The following RLF variants were observed in gnomAD, a reference collection of about 807,000 sequenced individuals.
RLF encodes the protein RLF zinc finger, also known as zinc finger protein Rlf.
RLF carries 7 observed loss-of-function variants against 162.9 expected under a neutral mutation model. The observed-to-expected ratio is 0.04, with a 90% confidence interval of 0.02 to 0.08. The LOEUF (loss-of-function observed/expected upper bound fraction) is 0.08, where lower values mean the gene tolerates loss of function less well. Among genes scored for constraint, RLF ranks in the 10% least tolerant of loss-of-function variants. The pLI is 1.00. For missense variants in RLF, 1,664 were observed against 2,244.7 expected (o/e 0.74, Z 5.23); for synonymous variants, 782 against 791.5 (o/e 0.99, Z 0.20).
At chr1:40,222,511 T>C (rs1312518754) in intron 5 of RLF, 63 bp from the exon 6 acceptor site, 12 of 1,555,800 alleles carry the variant, frequency 7.7e-6, no homozygotes, top group Middle Eastern at 2.2e-4. Flanking sequence ...TTTCACCTTA[T>C]ATAACAAAGT....
intron 5 of RLF, among the ~76,000 whole-genome samples, chr1:40,216,498 AAAAG>A (rs562715773): frequency 7.0e-4 from 105 of 150,200 alleles, no homozygotes; most frequent in Middle Eastern, 3.4e-3. Flanking sequence ...AAAAAAAAAA[AAAAG>A]AGAGAGAGAA....
intron 6 of RLF, among the ~76,000 whole-genome samples, chr1:40,228,246 A>C (rs1353562805): frequency 1.3e-5 from 2 of 151,382 alleles, no homozygotes; most frequent in African/African-American, 4.9e-5. Context: ...AGATCATGCC[A>C]CTGCATTCGA....
At position 40,235,911 on chromosome 1, in the gene RLF, A is replaced by G. The variant is rs746462566; in HGVS notation, c.1209A>G (p.Pro403=). ...GTAAAACAATTGCCTGTCTTTTACC[A>G]GAAGATTTAGAAGTTAGACGAGCCT... is the stretch of plus-strand genomic sequence containing the variant. ...SVCKTIACLL[P]EDLEVRRACQ... Residue 403 remains proline (P), a synonymous_variant, in exon 8 of 8, where the codon CCA becomes CCG. Transcript: ENST00000372771. 1 of 1,614,156 alleles carries G rather than the reference A, an allele frequency of 6.2e-7. No individual in the cohort carries two copies. The highest frequency in any genetic ancestry group is 8.5e-7 in the Non-Finnish European group (1 of 1,180,002).
chr1:40,161,733 C>A lies in RLF; in HGVS notation c.237+97C>A. 6.8e-7 allele frequency: 1 copy of A among 1,478,786 alleles called. No homozygotes were observed. The highest frequency in any genetic ancestry group is 8.9e-7 in the Non-Finnish European group (1 of 1,118,190). 91.6% of individuals were successfully genotyped at this position (1,478,786 alleles called of 1,614,324 possible). A position where few individuals can be genotyped will look rare whatever the true frequency, so the allele number is the denominator to read the frequency against. On this transcript the variant is annotated intron_variant, in intron 1 of 7. Transcript: ENST00000372771. The surrounding 1 kb of genome is among the most constrained non-coding windows in gnomAD (Gnocchi z 4.4). The stretch of plus-strand genomic sequence containing the variant: ...AAGCAGCCGGGTCCAAACTGAAAGG[C>A]GCCACCTCCGTGACTCGCCGCGCCC...
intron 5 of RLF, among the ~76,000 whole-genome samples, chr1:40,219,697 G>C (rs1340462622): frequency 6.6e-6 from 1 of 152,176 alleles, no homozygotes. Context: ...CCATGCTTAG[G>C]AGTTATGAAC....
At chr1:40,192,060 A>G (rs1197554278) in intron 3 of RLF, among the ~76,000 whole-genome samples, 1 of 152,242 alleles carries the variant, frequency 6.6e-6, no homozygotes, top group Non-Finnish European at 1.5e-5. Flanking sequence ...TTCCTCTGGA[A>G]TACATAACCC....
intron 6 of RLF, among the ~76,000 whole-genome samples, chr1:40,223,156 T>C (rs1053404243): frequency 6.6e-6 from 1 of 152,236 alleles, no homozygotes; most frequent in Admixed American, 6.5e-5. Flanking sequence ...TTTGCAACTT[T>C]GGAACTATAT....
intron 5 of RLF, among the ~76,000 whole-genome samples, chr1:40,218,562 T>G (rs1642954953): frequency 6.6e-6 from 1 of 152,194 alleles, no homozygotes; most frequent in Non-Finnish European, 1.5e-5. Context: ...CCACAATTAC[T>G]CTCACGTTAA....
intron 6 of RLF, among the ~76,000 whole-genome samples, chr1:40,231,054 T>G (rs913327079): frequency 1.3e-5 from 2 of 152,202 alleles, no homozygotes; most frequent in Non-Finnish European, 2.9e-5. Flanking sequence ...TCCTGACATT[T>G]TAGATCTGGA....
chr1:40,228,923 GCCT>G (rs1643116496), intron 6 of RLF, among the ~76,000 whole-genome samples: 4 of 152,102 alleles, frequency 2.6e-5, no homozygotes, highest in Admixed American at 2.0e-4. Flanking sequence ...CGCTGCCTCT[GCCT>G]CCTCAGTAAT....
At position 40,172,913 on chromosome 1, in the gene RLF, T is replaced by C. The variant is rs1019937680; in HGVS notation, c.237+11277T>C. On this transcript the variant is annotated intron_variant, in intron 1 of 7. Transcript: ENST00000372771. ...GTTTAAGTTTTGATGGATACTTGCCTACAAAAAGTTGAATATGTACTTCCG... is the reference window on the plus strand; with the variant it reads ...GTTTAAGTTTTGATGGATACTTGCCCACAAAAAGTTGAATATGTACTTCCG... 1.3e-5 allele frequency among the ~76,000 whole-genome samples: 2 copies of C among 152,186 alleles called. 1 individual carries two copies. The highest frequency in any genetic ancestry group is 3.9e-4 in the East Asian group (2 of 5,194).
rs544118980 is a variant in RLF at position 40,206,564 on chromosome 1, C to A, written c.810+3950C>A. On this transcript the variant is annotated intron_variant, in intron 5 of 7. Transcript: ENST00000372771. ...TTATCTTGAAAATAGCCAGAATAAT[C>A]TCTCTAAAACTTGTCGTGCCATGCC... 2.6e-5 allele frequency among the ~76,000 whole-genome samples: 4 copies of A among 152,296 alleles called. No homozygotes were observed. The South Asian group carries it at 8.3e-4, about 32-fold the overall frequency.
At chr1:40,179,560 T>C (rs1057378834) in intron 1 of RLF, among the ~76,000 whole-genome samples, 17 of 146,088 alleles carry the variant, frequency 1.2e-4, no homozygotes, top group African/African-American at 3.6e-4. Flanking sequence ...TTTTTTTTTT[T>C]GGTACTTTTA....
Position 40,190,861 on chromosome 1 carries a change from G to C in RLF, c.474+8G>C, listed in dbSNP as rs1412292232. On this transcript the variant is annotated splice_region_variant and intron_variant, in intron 3 of 7. Transcript: ENST00000372771. ...TTCCTTCAGTCTCTACAGGTGAGTT[G>C]ATTTTAACTCAGAAAAGTTTTCTGT... is the stretch of plus-strand genomic sequence containing the variant. 2 of 1,590,194 alleles carry C rather than the reference G, an allele frequency of 1.3e-6. No individual in the cohort carries two copies. The highest frequency in any genetic ancestry group is 2.3e-5 in the South Asian group (2 of 87,758).
intron 5 of RLF, among the ~76,000 whole-genome samples, chr1:40,217,624 T>A (rs114720645): frequency 6.6e-6 from 1 of 151,398 alleles, no homozygotes; most frequent in Admixed American, 6.6e-5. Flanking sequence ...TACAAAAAAT[T>A]AGCTGGGCGC....
chr1:40,222,594 G>C lies in RLF; in HGVS notation c.831G>C (p.Lys277Asn), dbSNP rs372583819. 153 of 1,613,136 alleles carry C rather than the reference G, an allele frequency of 9.5e-5. No homozygotes were observed. Among genetic ancestry groups the C allele is most frequent in the Non-Finnish European group, 1.3e-4 (151 of 1,179,668 alleles). Reference sequence around the variant, plus strand: ...GATAGATTGCAAAGGTCGACTGCAAGGAAGTACTAGACATCATTTGTAATC... The same window carrying C: ...GATAGATTGCAAAGGTCGACTGCAACGAAGTACTAGACATCATTTGTAATC... ...AIKEIAKVDC[K>N]EVLDIICNLE... Residue 277 changes from lysine (K) to asparagine (N), a missense_variant, in exon 6 of 8, where the codon AAG (lysine) becomes AAC (asparagine). Transcript: ENST00000372771.
chr1:40,198,896 G>T (rs538265703), intron 4 of RLF, among the ~76,000 whole-genome samples: 14 of 152,280 alleles, frequency 9.2e-5, no homozygotes, highest in African/African-American at 3.4e-4. Flanking sequence ...TTTCAATAAA[G>T]AAATTCAAAG....
chr1:40,229,612 A>G (rs1443563050), intron 6 of RLF, among the ~76,000 whole-genome samples: 1 of 150,366 alleles, frequency 6.7e-6, no homozygotes, highest in African/African-American at 2.4e-5. Context: ...GCACCACCAC[A>G]CCCAGCTAAT....
At chr1:40,192,198 A>G (rs951099922) in intron 3 of RLF, among the ~76,000 whole-genome samples, 2 of 152,114 alleles carry the variant, frequency 1.3e-5, no homozygotes, top group African/African-American at 4.8e-5. Flanking sequence ...ATCATCTTTC[A>G]TGCGTAGCAC....
Sources: allele counts gnomAD v4.1 joint callset (sites outside exome capture counted in the v4.1 genomes callset), GRCh38; gene constraint gnomAD v4.1.1; non-coding constraint Gnocchi (gnomAD v3.1); transcripts MANE v1.5; gene names NCBI Gene and HGNC (gene_info 2026-07-23, HGNC 2026-07-21).